Variants in RBM33 observed in about 807,000 individuals in gnomAD.
RBM33 encodes RNA binding motif protein 33.
Under a neutral mutation model 132.6 loss-of-function variants are expected in RBM33, and 28 were observed. That is an observed-to-expected ratio of 0.21 (90% confidence interval 0.16 to 0.29). The LOEUF is 0.29. RBM33 is among the 10% of genes least tolerant of loss of function. The pLI is 1.00. For missense variants in RBM33, 1,291 were observed against 1,518.5 expected, an observed-to-expected ratio of 0.85 and a Z score of 2.49; for synonymous variants, 634 against 593.0, an observed-to-expected ratio of 1.07 and a Z score of -1.01.
At chr7:155,735,925 A>G (rs1412109446) in intron 9 of RBM33, among the ~76,000 whole-genome samples, 1 of 152,182 alleles carries the variant, frequency 6.6e-6, no homozygotes, top group Non-Finnish European at 1.5e-5. Context: ...ACACTCCCTA[A>G]TGTCAGGCAA....
chr7:155,644,828 C>G lies in RBM33; in HGVS notation c.-49C>G. The G allele has an allele frequency of 1.4e-6, 2 of 1,440,618 alleles. No individual in the cohort carries two copies. Among genetic ancestry groups the G allele is most frequent in the South Asian group, 2.7e-5 (2 of 74,048 alleles). The allele number at this position is 1,440,618 out of a possible 1,614,324, so 89.2% of individuals were successfully genotyped here. A position where few individuals can be genotyped will look rare whatever the true frequency, so the allele number is the denominator to read the frequency against. On this transcript the variant is annotated 5_prime_UTR_variant, in exon 1 of 18. Coordinates refer to ENST00000401878, the MANE Select transcript of RBM33 (RefSeq NM_053043.3). Reference sequence around the variant, plus strand: ...CGGGCCCGGACCAGGCACGTCGGCCCACCAGCTGGCTTGGTGGGGGAGGCT... The same window carrying G: ...CGGGCCCGGACCAGGCACGTCGGCCGACCAGCTGGCTTGGTGGGGGAGGCT...
At position 155,774,567 on chromosome 7, in the gene RBM33, G is replaced by T; in HGVS notation, c.3384G>T (p.Gln1128His). Residue 1128 changes from glutamine to histidine, a missense_variant, in exon 17 of 18, where the codon CAG (glutamine) becomes CAT (histidine). By Grantham distance (24) the Gln-to-His change is conservative (BLOSUM62 0). Transcript: ENST00000401878. The surrounding 1 kb of genome is among the most constrained non-coding windows in gnomAD (Gnocchi z 4.2). ...LMSVGPIQSL[Q>H]MLPQQRKAIA... ...TTGTTTTCTTCCTCTAGAGTTTACA[G>T]ATGCTTCCTCAGCAACGGAAAGCCA... 1 of 1,613,230 alleles carries T rather than the reference G, an allele frequency of 6.2e-7. No homozygotes were observed. The highest frequency in any genetic ancestry group is 8.5e-7 in the Non-Finnish European group (1 of 1,179,200).
At chr7:155,697,431 C>G (rs1220896924) in intron 5 of RBM33, among the ~76,000 whole-genome samples, 1 of 152,148 alleles carries the variant, frequency 6.6e-6, no homozygotes, top group East Asian at 1.9e-4. Flanking sequence ...CTTAGTCTTT[C>G]CAACCCATAA....
rs1190392613 is a variant in RBM33 at position 155,774,698 on chromosome 7, C to T, written c.3464+51C>T. On this transcript the variant is annotated intron_variant, in intron 17 of 17. Coordinates refer to ENST00000401878, the MANE Select transcript of RBM33 (RefSeq NM_053043.3). This position sits in a 1 kb window ranked among gnomAD's most constrained non-coding sequence, Gnocchi z 4.2. The stretch of plus-strand genomic sequence containing the variant: ...GTGATAAGGGGGCGGGAGCAAGGCC[C>T]TCCTTCCTGTGCCCTCCCATCCATC... 15 of 1,421,422 alleles carry T rather than the reference C, an allele frequency of 1.1e-5. No individual in the cohort carries two copies. The highest frequency in any genetic ancestry group is 1.3e-5 in the Non-Finnish European group (13 of 1,004,446). The allele number at this position is 1,421,422 out of a possible 1,614,324, so 88.1% of individuals were successfully genotyped here. A position where few individuals can be genotyped will look rare whatever the true frequency, so the allele number is the denominator to read the frequency against.
chr7:155,720,396 C>T (rs961213634), intron 9 of RBM33, among the ~76,000 whole-genome samples: 6 of 152,022 alleles, frequency 3.9e-5, no homozygotes, highest in Non-Finnish European at 7.4e-5. Flanking sequence ...AATACAGTAG[C>T]GGTATTGTGT....
intron 2 of RBM33, among the ~76,000 whole-genome samples, chr7:155,669,527 A>G (rs1177308157): frequency 2.0e-5 from 3 of 152,054 alleles, no homozygotes; most frequent in East Asian, 3.9e-4. Context: ...TAATATTTAT[A>G]TTTTTAGTAG....
Position 155,724,831 on chromosome 7 carries a change from A to G in RBM33, c.1260+6388A>G, listed in dbSNP as rs1416331278. Among the ~76,000 whole-genome samples, 7 of 152,208 alleles carry G rather than the reference A, an allele frequency of 4.6e-5. No individual in the cohort carries two copies. The East Asian group carries it at 1.2e-3, about 25-fold the overall frequency. ...AGTATAACGCGTTTGAGATTCATCCATTTGCTGCACCAGTCAGTAGTTTGT... is the reference window on the plus strand; with the variant it reads ...AGTATAACGCGTTTGAGATTCATCCGTTTGCTGCACCAGTCAGTAGTTTGT... On this transcript the variant is annotated intron_variant, in intron 9 of 17. Coordinates refer to ENST00000401878, the MANE Select transcript of RBM33 (RefSeq NM_053043.3).
At chr7:155,768,515 A>C (rs979419703) in intron 16 of RBM33, among the ~76,000 whole-genome samples, 2 of 152,168 alleles carry the variant, frequency 1.3e-5, no homozygotes, top group African/African-American at 4.8e-5. Flanking sequence ...GGCACCACCT[A>C]GTGTTCACTG....
intron 3 of RBM33, among the ~76,000 whole-genome samples, chr7:155,676,434 A>G (rs1288110658): frequency 6.6e-6 from 1 of 152,232 alleles, no homozygotes; most frequent in Non-Finnish European, 1.5e-5. Context: ...GCTCTGTTTC[A>G]TAGATGCCTG....
intron 7 of RBM33, among the ~76,000 whole-genome samples, chr7:155,708,028 T>G (rs1800166938): frequency 6.6e-6 from 1 of 152,258 alleles, no homozygotes; most frequent in Non-Finnish European, 1.5e-5. Flanking sequence ...AGGAAAAATT[T>G]ACTTAATACA....
intron 9 of RBM33, among the ~76,000 whole-genome samples, chr7:155,735,414 A>C (rs530481964): frequency 6.6e-6 from 1 of 152,240 alleles, no homozygotes; most frequent in Non-Finnish European, 1.5e-5. Flanking sequence ...TTAAATATTC[A>C]AGAATATTGG....
In RBM33 at chr7:155,745,643, T is replaced by TG; in HGVS notation, c.2979+41_2979+42insG. 1 of 1,487,142 alleles carries TG rather than the reference T, an allele frequency of 6.7e-7. No homozygotes were observed. Among genetic ancestry groups the TG allele is most frequent in the South Asian group, 1.4e-5 (1 of 72,842 alleles). 92.1% of individuals were successfully genotyped at this position (1,487,142 alleles called of 1,614,324 possible). Reference sequence around the variant, plus strand: ...TTATGAGAGCCTCTTTGAGTCTGTGTATCACATAGAATGTCCTCATTTGCA... The same window carrying TG: ...TTATGAGAGCCTCTTTGAGTCTGTGTGATCACATAGAATGTCCTCATTTGCA... On this transcript the variant is annotated intron_variant, in intron 14 of 17. Transcript: ENST00000401878. This position sits in a 1 kb window ranked among gnomAD's most constrained non-coding sequence, Gnocchi z 4.1.
chr7:155,706,687 T>G, intron 6 of RBM33, 173 bp from the exon 7 acceptor site: 1 of 585,834 alleles, frequency 1.7e-6, no homozygotes. Context: ...CACTAGTGGG[T>G]TGTGTGTGTT....
At chr7:155,673,940 G>GTTGTTTT in intron 3 of RBM33, among the ~76,000 whole-genome samples, 5 of 54,216 alleles carry the variant, frequency 9.2e-5, no homozygotes, top group African/African-American at 3.3e-4. Context: ...TTTAGGCTTA[G>GTTGTTTT]TTTTTTTTTT....
At chr7:155,729,252 G>C (rs959545515) in intron 9 of RBM33, among the ~76,000 whole-genome samples, 2 of 152,056 alleles carry the variant, frequency 1.3e-5, no homozygotes, top group Non-Finnish European at 2.9e-5. Context: ...CCACCCACCA[G>C]GTCCCTCCCT....
intron 5 of RBM33, among the ~76,000 whole-genome samples, chr7:155,697,314 T>G (rs1002463640): frequency 6.6e-6 from 1 of 152,238 alleles, no homozygotes; most frequent in Non-Finnish European, 1.5e-5. Flanking sequence ...ATCCTTTTTA[T>G]ATTTGGTGAG....
At chr7:155,727,138 C>T (rs1426590617) in intron 9 of RBM33, among the ~76,000 whole-genome samples, 1 of 152,184 alleles carries the variant, frequency 6.6e-6, no homozygotes, top group Non-Finnish European at 1.5e-5. Flanking sequence ...TGTGTATCAG[C>T]TCTGATAGGG....
chr7:155,763,303 AG>A (rs929123767), intron 14 of RBM33, among the ~76,000 whole-genome samples: 2 of 152,186 alleles, frequency 1.3e-5, no homozygotes, highest in African/African-American at 4.8e-5. Flanking sequence ...ACGTATCCAC[AG>A]GGGGTGGAAG....
At chr7:155,732,003 T>A (rs1440987089) in intron 9 of RBM33, among the ~76,000 whole-genome samples, 1 of 152,220 alleles carries the variant, frequency 6.6e-6, no homozygotes, top group Non-Finnish European at 1.5e-5. Context: ...GGCACTTCCC[T>A]GGCATGAGAA....
Sources: gnomAD v4.1 joint callset for allele counts (sites outside exome capture counted in the v4.1 genomes callset) on GRCh38, gnomAD v4.1.1 for gene constraint, Gnocchi (gnomAD v3.1) non-coding constraint, MANE v1.5 for transcripts, NCBI Gene and HGNC (gene_info 2026-07-23, HGNC 2026-07-21) for gene names.